The following TF variants were observed in gnomAD, a reference collection of about 807,000 sequenced individuals.
The protein encoded by TF is transferrin, also known as serotransferrin.
In TF, 55 loss-of-function variants were observed where a neutral mutation model predicts 82.4. The observed-to-expected ratio is 0.67, with a 90% CI of 0.54 to 0.84. The LOEUF (loss-of-function observed/expected upper bound fraction) is 0.84, where lower values mean the gene tolerates loss of function less well. Among genes scored for constraint, TF ranks in the 40% least tolerant of loss-of-function variants. TF has a pLI of 0.00. For synonymous variants in TF, 332 were observed against 332.6 expected (o/e 1.00, Z 0.02); for missense variants, 737 against 868.4 (o/e 0.85, Z 1.90).
chr3:133,756,736 C>G lies in TF; in HGVS notation c.692-95C>G, dbSNP rs966011365. On this transcript the variant is annotated intron_variant, in intron 6 of 16. Coordinates refer to ENST00000402696, the MANE Select transcript of TF (RefSeq NM_001063.4). ...CCTTCAGTGCTCACTCCAGACCTCT[C>G]AGCTCATACTTTCTATGATCAATTG... The G allele has an allele frequency of 5.3e-6, 8 of 1,500,254 alleles. No individual in the cohort carries two copies. The African/African-American group carries it at 1.1e-4, about 21-fold the overall frequency. 92.9% of individuals were successfully genotyped at this position (1,500,254 alleles called of 1,614,324 possible).
chr3:133,668,302 C>T, the TF span, among the ~76,000 whole-genome samples: 2 of 152,190 alleles, frequency 1.3e-5, no homozygotes, highest in East Asian at 1.9e-4. Flanking sequence ...GCACAAACTC[C>T]TCAGTATTCA....
chr3:133,790,907 C>A lies in TF; in HGVS notation c.*12287C>A, dbSNP rs1934814608. 6.6e-6 allele frequency: 1 copy of A among 152,052 alleles called. No individual in the cohort carries two copies. The highest frequency in any genetic ancestry group is 6.5e-5 in the Admixed American group (1 of 15,272). The allele number at this position is 152,052 out of a possible 1,614,324, so 9.4% of individuals were successfully genotyped here. A position where few individuals can be genotyped will look rare whatever the true frequency, so the allele number is the denominator to read the frequency against. On this transcript the variant is annotated 3_prime_UTR_variant, in exon 17 of 17. Coordinates refer to ENST00000402696, the MANE Select transcript of TF (RefSeq NM_001063.4). ...TTCATTATGTGGGTTTTGGGGGGCCCTAGGTAAACACTGTAGCCTCCAGGG... is the reference window on the plus strand; with the variant it reads ...TTCATTATGTGGGTTTTGGGGGGCCATAGGTAAACACTGTAGCCTCCAGGG...
At chr3:133,737,840 T>C in the TF span, among the ~76,000 whole-genome samples, 1 of 151,566 alleles carries the variant, frequency 6.6e-6, no homozygotes, top group Non-Finnish European at 1.5e-5. Flanking sequence ...CAAGAAAAAA[T>C]AGCCCAGGAC....
chr3:133,748,509 C>T lies in TF; in HGVS notation c.141C>T (p.Ser47=), dbSNP rs929317541. ...AGAGTTTCCGCGACCATATGAAAAG[C>T]GTCATTCCATCCGATGGTCCCAGTG... ...KCQSFRDHMK[S]VIPSDGPSVA... is the part of the protein sequence containing the mutation. Residue 47 remains serine, a synonymous_variant, in exon 2 of 17, where the codon AGC becomes AGT. Coordinates refer to ENST00000402696, the MANE Select transcript of TF (RefSeq NM_001063.4). 54 of 1,614,006 alleles carry T rather than the reference C, an allele frequency of 3.3e-5. No individual in the cohort carries two copies. Among genetic ancestry groups the T allele is most frequent in the Non-Finnish European group, 4.3e-5 (51 of 1,180,046 alleles).
At chr3:133,676,616 G>C in the TF span, among the ~76,000 whole-genome samples, 1 of 152,244 alleles carries the variant, frequency 6.6e-6, no homozygotes, top group East Asian at 1.9e-4. Context: ...AGGGGATGCT[G>C]TGGTGGCCCC....
Position 133,788,810 on chromosome 3 carries a change from G to C in TF, c.*10190G>C, listed in dbSNP as rs559647442. On this transcript the variant is annotated 3_prime_UTR_variant, in exon 17 of 17. Coordinates refer to ENST00000402696, the MANE Select transcript of TF (RefSeq NM_001063.4). ...CAGCTCAGGGCAAACTTGCAGCTCA[G>C]GGTGAACTTGCATGTGTTTCAGGCG... 1.3e-5 allele frequency: 2 copies of C among 152,240 alleles called. No homozygotes were observed. The highest frequency in any genetic ancestry group is 6.5e-5 in the Admixed American group (1 of 15,286). 9.4% of individuals were successfully genotyped at this position (152,240 alleles called of 1,614,324 possible).
Position 133,796,507 on chromosome 3 carries a change from C to A in TF, c.*17887C>A, listed in dbSNP as rs1172502783. The A allele has an allele frequency of 6.6e-6, 1 of 152,236 alleles. No homozygotes were observed. Among genetic ancestry groups the A allele is most frequent in the East Asian group, 1.9e-4 (1 of 5,202 alleles). 9.4% of individuals were successfully genotyped at this position (152,236 alleles called of 1,614,324 possible). A position where few individuals can be genotyped will look rare whatever the true frequency, so the allele number is the denominator to read the frequency against. On this transcript the variant is annotated 3_prime_UTR_variant, in exon 17 of 17. Transcript: ENST00000402696. ...TTTACATAGGGCATACACTGAGTAA[C>A]CAATGGAAACCTCTAGAGGGTATTT...
intron 12 of TF, among the ~76,000 whole-genome samples, chr3:133,767,104 T>G (rs1162607651): frequency 6.6e-6 from 1 of 152,172 alleles, no homozygotes; most frequent in South Asian, 2.1e-4. Flanking sequence ...GTATGGTATG[T>G]GAGTGTGGGA....
chr3:133,687,636 A>G, the TF span, among the ~76,000 whole-genome samples: 7 of 152,294 alleles, frequency 4.6e-5, no homozygotes, highest in African/African-American at 1.7e-4. Context: ...TCCTGTCTCT[A>G]TAGATGTACC....
chr3:133,687,586 C>T, the TF span, among the ~76,000 whole-genome samples: 10 of 152,166 alleles, frequency 6.6e-5, no homozygotes, highest in African/African-American at 2.2e-4. Context: ...TACCCATTTT[C>T]GTCACCCCCT....
the TF span, among the ~76,000 whole-genome samples, chr3:133,680,857 G>A: frequency 1.3e-5 from 2 of 152,126 alleles, no homozygotes; most frequent in Non-Finnish European, 2.9e-5. Flanking sequence ...CAAATATTAA[G>A]CTGAACTCCA....
chr3:133,742,817 ACCC>A (rs1465660828), upstream of TF, among the ~76,000 whole-genome samples: 1 of 152,160 alleles, frequency 6.6e-6, no homozygotes, highest in African/African-American at 2.4e-5. Context: ...CTGCTTTCTT[ACCC>A]ACCTCCTGCT....
At chr3:133,770,247 T>C (rs1246862957) in intron 13 of TF, among the ~76,000 whole-genome samples, 1 of 152,218 alleles carries the variant, frequency 6.6e-6, no homozygotes, top group African/African-American at 2.4e-5. Flanking sequence ...TCCTTGTTGA[T>C]GTCAGGGAAA....
chr3:133,726,401 G>C, the TF span, among the ~76,000 whole-genome samples: 1 of 152,040 alleles, frequency 6.6e-6, no homozygotes, highest in African/African-American at 2.4e-5. Context: ...TGTATGTGTT[G>C]AGGAATTTAT....
At chr3:133,674,134 G>A in the TF span, among the ~76,000 whole-genome samples, 2 of 152,202 alleles carry the variant, frequency 1.3e-5, no homozygotes, top group Non-Finnish European at 2.9e-5. Context: ...GTGCTTTCCA[G>A]GGGAAGAGCC....
the TF span, among the ~76,000 whole-genome samples, chr3:133,695,733 C>T: frequency 2.6e-5 from 4 of 152,130 alleles, no homozygotes; most frequent in Non-Finnish European, 4.4e-5. Context: ...GACTTGTGGC[C>T]AACCAAGGTG....
the TF span, among the ~76,000 whole-genome samples, chr3:133,729,757 C>T: frequency 7.2e-5 from 11 of 152,286 alleles, no homozygotes; most frequent in South Asian, 2.1e-4. Context: ...GCATCGCTCA[C>T]GCTGGGAGCT....
chr3:133,732,766 G>A, the TF span, among the ~76,000 whole-genome samples: 1 of 152,162 alleles, frequency 6.6e-6, no homozygotes, highest in Non-Finnish European at 1.5e-5. Flanking sequence ...CTCGCTGCAA[G>A]GGCCTGCAGC....
intron 15 of TF, among the ~76,000 whole-genome samples, chr3:133,776,480 A>C (rs1462610551): frequency 1.3e-5 from 2 of 152,216 alleles, no homozygotes; most frequent in African/African-American, 2.4e-5. Flanking sequence ...TTTAAGGTAC[A>C]TGACAATAAT....
Sources: allele counts gnomAD v4.1 joint callset (sites outside exome capture counted in the v4.1 genomes callset), GRCh38; gene constraint gnomAD v4.1.1; transcripts MANE v1.5; gene names NCBI Gene and HGNC (gene_info 2026-07-23, HGNC 2026-07-21).